GLIS3: variants seen among roughly 807,000 people sequenced by gnomAD.
The protein encoded by GLIS3 is GLIS family zinc finger 3.
A neutral mutation model predicts 78.6 loss-of-function variants in GLIS3; 53 were observed. The observed-to-expected ratio is 0.67, with a 90% CI of 0.54 to 0.85. The LOEUF is 0.85. Among genes scored for constraint, GLIS3 ranks in the 40% least tolerant of loss-of-function variants. GLIS3 has a pLI of 0.00. For synonymous variants in GLIS3, 684 were observed against 509.9 expected (o/e 1.34, Z -4.60); for missense variants, 1,703 against 1,231.1 (o/e 1.38, Z -5.74).
intron 6 of GLIS3, among the ~76,000 whole-genome samples, chr9:3,911,113 C>G (rs1824117645): frequency 6.6e-6 from 1 of 151,960 alleles, no homozygotes; most frequent in Admixed American, 6.6e-5. Context: ...TCCTTCCTTC[C>G]TTCCTTCCTT....
intron 2 of GLIS3, among the ~76,000 whole-genome samples, chr9:4,203,818 C>T (rs940042922): frequency 6.6e-6 from 1 of 152,182 alleles, no homozygotes; most frequent in Non-Finnish European, 1.5e-5. Context: ...AACATGGATG[C>T]AGCTGGAGGC....
chr9:4,349,729 A>G (rs1817939603), upstream of GLIS3, among the ~76,000 whole-genome samples: 1 of 152,216 alleles, frequency 6.6e-6, no homozygotes, highest in Non-Finnish European at 1.5e-5. Flanking sequence ...CAGAAAAAAA[A>G]ATACTTTAAG....
chr9:4,434,631 G>A, the GLIS3 span, among the ~76,000 whole-genome samples: 4 of 152,128 alleles, frequency 2.6e-5, no homozygotes, highest in Admixed American at 1.3e-4. Flanking sequence ...TGGAGGTGAA[G>A]AAACCTTCTC....
chr9:4,024,142 G>T (rs984282714), intron 4 of GLIS3, among the ~76,000 whole-genome samples: 4 of 152,092 alleles, frequency 2.6e-5, no homozygotes, highest in Non-Finnish European at 4.4e-5. Flanking sequence ...ATAATGCCAA[G>T]AGCCAGAGCG....
At chr9:4,057,990 G>C in intron 4 of GLIS3, among the ~76,000 whole-genome samples, 1 of 152,138 alleles carries the variant, frequency 6.6e-6, no homozygotes. Context: ...CTGGGTTTTA[G>C]AACTCAAACA....
intron 4 of GLIS3, among the ~76,000 whole-genome samples, chr9:4,113,047 TA>T (rs1210152919): frequency 6.6e-6 from 1 of 152,086 alleles, no homozygotes; most frequent in African/African-American, 2.4e-5. Flanking sequence ...CAGAACTATA[TA>T]ATATTGCCCG....
chr9:4,357,122 G>T, the GLIS3 span, among the ~76,000 whole-genome samples: 1 of 152,140 alleles, frequency 6.6e-6, no homozygotes, highest in Admixed American at 6.5e-5. Flanking sequence ...AGTGGAATTT[G>T]TTCTTATTTA....
chr9:3,946,658 T>G (rs1317306172), intron 4 of GLIS3, among the ~76,000 whole-genome samples: 1 of 152,198 alleles, frequency 6.6e-6, no homozygotes, highest in Non-Finnish European at 1.5e-5. Flanking sequence ...TTCTGAGAAA[T>G]TTGTAGCAAC....
intron 4 of GLIS3, among the ~76,000 whole-genome samples, chr9:4,056,638 G>T (rs1040723224): frequency 3.9e-5 from 6 of 151,988 alleles, no homozygotes; most frequent in African/African-American, 1.5e-4. Flanking sequence ...GTGAGAGACG[G>T]GATATGAAAG....
intron 2 of GLIS3, among the ~76,000 whole-genome samples, chr9:4,127,155 A>G (rs1832636827): frequency 6.6e-6 from 1 of 152,198 alleles, no homozygotes; most frequent in South Asian, 2.1e-4. Context: ...TCACAGCATC[A>G]TTAGCTGCCA....
chr9:4,286,300 G>C lies in GLIS3; in HGVS notation c.126C>G (p.Pro42=), dbSNP rs778969361. The change falls in exon 2 of 11, where the codon CCC becomes CCG. Residue 42 remains proline (P), a synonymous_variant. Coordinates refer to ENST00000381971, the MANE Select transcript of GLIS3 (RefSeq NM_001042413.2). Reference sequence around the variant, plus strand: ...TAGTGGGACTCGATGTGCTGCCACAGGGCGAGGGGCCAGGAGTCCCGGAGT... The same window carrying C: ...TAGTGGGACTCGATGTGCTGCCACACGGCGAGGGGCCAGGAGTCCCGGAGT... ...RAHSGTPGPS[P]CGSTSSPTMA... 51 of 1,614,120 alleles carry C rather than the reference G, an allele frequency of 3.2e-5. No individual in the cohort carries two copies. Among genetic ancestry groups the C allele is most frequent in the Non-Finnish European group, 3.9e-5 (46 of 1,180,060 alleles).
At chr9:4,378,236 G>A in the GLIS3 span, among the ~76,000 whole-genome samples, 4 of 152,040 alleles carry the variant, frequency 2.6e-5, no homozygotes, top group Admixed American at 6.6e-5. Flanking sequence ...CTCAGTCTGG[G>A]TTGCCAGGTT....
chr9:4,253,776 G>A (rs923876372), intron 2 of GLIS3, among the ~76,000 whole-genome samples: 2 of 152,206 alleles, frequency 1.3e-5, no homozygotes, highest in Non-Finnish European at 2.9e-5. Context: ...AGGTTGTGAA[G>A]ACCATGGGAA....
At chr9:4,296,952 T>C (rs1196544453) in intron 1 of GLIS3, among the ~76,000 whole-genome samples, 1 of 147,560 alleles carries the variant, frequency 6.8e-6, no homozygotes, top group East Asian at 2.0e-4. Context: ...CACTCTCCTG[T>C]CTAAATTGCT....
chr9:3,946,322 T>C (rs902598625), intron 4 of GLIS3, among the ~76,000 whole-genome samples: 2 of 152,240 alleles, frequency 1.3e-5, no homozygotes, highest in African/African-American at 4.8e-5. Context: ...GTAGATTATT[T>C]GCTAAATAAA....
chr9:4,023,673 A>C (rs897355596), intron 4 of GLIS3, among the ~76,000 whole-genome samples: 2 of 152,232 alleles, frequency 1.3e-5, no homozygotes, highest in Admixed American at 1.3e-4. Context: ...ATAAGGGGAA[A>C]GAAGGTGTCA....
At chr9:4,237,153 C>A (rs892463972) in intron 2 of GLIS3, among the ~76,000 whole-genome samples, 34 of 151,894 alleles carry the variant, frequency 2.2e-4, no homozygotes, top group African/African-American at 8.0e-4. Context: ...AGGAAATAAT[C>A]CAAAACAAGG....
At position 4,315,430 on chromosome 9, in the gene GLIS3, G is replaced by A. The variant is rs868567142; in HGVS notation, n.265-4902C>T. On this transcript the variant is annotated intron_variant and non_coding_transcript_variant, in intron 2 of 4. Coordinates refer to the GLIS3 transcript ENST00000471664. Reference sequence around the variant, plus strand: ...ACTCTATATGCAATGACAATTTTCTGTATGCTCTCCATTTAATAATAAGTT... The same window carrying A: ...ACTCTATATGCAATGACAATTTTCTATATGCTCTCCATTTAATAATAAGTT... Among the ~76,000 whole-genome samples, 5 of 152,234 alleles carry A rather than the reference G, an allele frequency of 3.3e-5. No homozygotes were observed. The South Asian group carries it at 6.2e-4, about 19-fold the overall frequency.
chr9:4,180,058 T>TA (rs1817165912), intron 2 of GLIS3, among the ~76,000 whole-genome samples: 1 of 152,146 alleles, frequency 6.6e-6, no homozygotes, highest in South Asian at 2.1e-4. Context: ...ATACCTGACT[T>TA]AGAGACTCCG....
Sources: allele counts gnomAD v4.1 joint callset (sites outside exome capture counted in the v4.1 genomes callset), GRCh38; gene constraint gnomAD v4.1.1; transcripts MANE v1.5; gene names NCBI Gene and HGNC (gene_info 2026-07-23, HGNC 2026-07-21).